Variants in PDE11A observed in about 807,000 individuals in gnomAD.
The protein encoded by PDE11A is dual 3',5'-cyclic-AMP and -GMP phosphodiesterase 11A.
PDE11A carries 100 observed loss-of-function variants against 100.5 expected under a neutral mutation model. The ratio of observed to expected loss-of-function variants is 1.00; its 90% CI spans 0.85 to 1.18. The LOEUF is 1.18. Among genes scored for constraint, PDE11A ranks in the 50% most tolerant of loss-of-function variants. The probability of loss-of-function intolerance (pLI) is 0.00; values close to 1 mark genes in which losing one functional copy is unlikely to be tolerated. For synonymous variants in PDE11A, 381 were observed against 420.8 expected, an observed-to-expected ratio of 0.91 and a Z score of 1.16; for missense variants, 1,141 against 1,152.6, an observed-to-expected ratio of 0.99 and a Z score of 0.15.
intron 9 of PDE11A, among the ~76,000 whole-genome samples, chr2:177,780,082 T>A (rs1049763272): frequency 2.0e-5 from 3 of 152,196 alleles, no homozygotes; most frequent in African/African-American, 2.4e-5. Context: ...GGTGACTAGG[T>A]GCATTGTCAA....
chr2:177,858,606 G>T (rs1459594782), intron 5 of PDE11A, among the ~76,000 whole-genome samples: 1 of 152,200 alleles, frequency 6.6e-6, no homozygotes, highest in Non-Finnish European at 1.5e-5. Context: ...ACAGGTGCTG[G>T]AAAGGATGTG....
chr2:177,769,486 G>A, intron 9 of PDE11A, 113 bp from the exon 10 acceptor site: 1 of 675,824 alleles, frequency 1.5e-6, no homozygotes, highest in South Asian at 1.7e-5. Flanking sequence ...ATTTAAAGGT[G>A]GACTTTAATG....
chr2:177,758,911 A>G (rs1318172765), intron 10 of PDE11A, among the ~76,000 whole-genome samples: 4 of 152,202 alleles, frequency 2.6e-5, no homozygotes, highest in Non-Finnish European at 5.9e-5. Context: ...ATGCGTACAC[A>G]CAAACATTAT....
chr2:178,051,468 C>G (rs1251596707), intron 1 of PDE11A, among the ~76,000 whole-genome samples: 3 of 152,156 alleles, frequency 2.0e-5, no homozygotes, highest in Non-Finnish European at 2.9e-5. Context: ...AAATAACCAG[C>G]TAACATCATA....
At chr2:177,786,270 G>T (rs2082535924) in intron 9 of PDE11A, among the ~76,000 whole-genome samples, 2 of 152,220 alleles carry the variant, frequency 1.3e-5, no homozygotes, top group South Asian at 4.1e-4. Context: ...CTGATACCAG[G>T]CAAACAGGGT....
chr2:177,912,695 GA>G (rs2084900074), intron 2 of PDE11A, among the ~76,000 whole-genome samples: 1 of 151,124 alleles, frequency 6.6e-6, no homozygotes, highest in Non-Finnish European at 1.5e-5. Context: ...GATTTCAAGA[GA>G]AAAAAAATAC....
At chr2:177,724,562 A>G (rs2081573074) in intron 12 of PDE11A, among the ~76,000 whole-genome samples, 1 of 152,116 alleles carries the variant, frequency 6.6e-6, no homozygotes, top group Non-Finnish European at 1.5e-5. Context: ...CAGAGACAAT[A>G]GGCTTGGAAA....
chr2:177,787,937 T>C (rs1311304152), intron 9 of PDE11A, among the ~76,000 whole-genome samples: 1 of 152,072 alleles, frequency 6.6e-6, no homozygotes, highest in Non-Finnish European at 1.5e-5. Flanking sequence ...ACAATAATAA[T>C]GGGAGACTTT....
At chr2:177,694,873 C>T (rs1232204504) in intron 15 of PDE11A, among the ~76,000 whole-genome samples, 1 of 152,012 alleles carries the variant, frequency 6.6e-6, no homozygotes, top group African/African-American at 2.4e-5. Flanking sequence ...TTCATAGTTG[C>T]TCCTACTACT....
chr2:177,894,065 G>A (rs768325192), intron 4 of PDE11A, among the ~76,000 whole-genome samples: 3 of 152,132 alleles, frequency 2.0e-5, no homozygotes, highest in Non-Finnish European at 4.4e-5. Context: ...TATTGAATGT[G>A]GGGGCAGAGA....
chr2:177,823,263 G>A (rs2083170819), intron 6 of PDE11A, among the ~76,000 whole-genome samples: 2 of 152,160 alleles, frequency 1.3e-5, no homozygotes, highest in South Asian at 4.1e-4. Context: ...CATTACCCTT[G>A]AGCTACTCAC....
intron 2 of PDE11A, among the ~76,000 whole-genome samples, chr2:177,936,946 C>T (rs2085282390): frequency 1.3e-5 from 2 of 151,858 alleles, no homozygotes; most frequent in Non-Finnish European, 2.9e-5. Context: ...TTAAGGGATA[C>T]TTTTATTAAA....
chr2:178,036,130 G>C (rs1192669503), intron 1 of PDE11A, among the ~76,000 whole-genome samples: 1 of 152,170 alleles, frequency 6.6e-6, no homozygotes, highest in Non-Finnish European at 1.5e-5. Flanking sequence ...AAACCCCATT[G>C]TCTAAGCTCC....
intron 2 of PDE11A, among the ~76,000 whole-genome samples, chr2:177,942,156 AG>A (rs2085352306): frequency 6.6e-6 from 1 of 152,228 alleles, no homozygotes; most frequent in African/African-American, 2.4e-5. Context: ...CAGATTGCTG[AG>A]GTTGGGACCC....
At chr2:177,706,709 G>A (rs903095720) in intron 13 of PDE11A, among the ~76,000 whole-genome samples, 1 of 152,114 alleles carries the variant, frequency 6.6e-6, no homozygotes, top group Non-Finnish European at 1.5e-5. Context: ...GATAAACTGC[G>A]TACAAAGTTA....
chr2:177,932,418 A>T (rs1239750126), intron 2 of PDE11A, among the ~76,000 whole-genome samples: 1 of 152,196 alleles, frequency 6.6e-6, no homozygotes, highest in African/African-American at 2.4e-5. Context: ...ACAAAATTCA[A>T]CAATACATAA....
At chr2:177,688,416 T>A (rs1315163437) in intron 15 of PDE11A, 1 of 152,214 alleles carries the variant, frequency 6.6e-6, no homozygotes, top group Admixed American at 6.5e-5. Context: ...TAAATGTACA[T>A]GTGTATATAG....
chr2:177,964,152 GGT>G (rs1228112297), intron 2 of PDE11A, among the ~76,000 whole-genome samples: 2 of 5,078 alleles, frequency 3.9e-4, no homozygotes, highest in South Asian at 0.013. Context: ...TTGTTTGTTT[GGT>G]TTTTTTTTTT....
In PDE11A at chr2:178,064,846, T is replaced by A. The variant is rs1334456951; in HGVS notation, c.912+6680A>T. ...AAGAGGTATCTCATAGGTTTCCCCTTTTTTTTTCTTCAGGAAAAAAAGATT... is the reference window on the plus strand; with the variant it reads ...AAGAGGTATCTCATAGGTTTCCCCTATTTTTTTCTTCAGGAAAAAAAGATT... On this transcript the variant is annotated intron_variant, in intron 1 of 19. Coordinates refer to ENST00000286063, the MANE Select transcript of PDE11A (RefSeq NM_016953.4). Among the ~76,000 whole-genome samples the A allele has an allele frequency of 5.9e-5, 9 of 151,550 alleles. No individual in the cohort carries two copies. In the South Asian group the frequency reaches 1.9e-3, roughly 32 times the overall value.
Sources: gnomAD v4.1 joint callset for allele counts (sites outside exome capture counted in the v4.1 genomes callset) on GRCh38, gnomAD v4.1.1 for gene constraint, MANE v1.5 for transcripts, NCBI Gene and HGNC (gene_info 2026-07-23, HGNC 2026-07-21) for gene names.